The following TRIM9 variants were observed in gnomAD, a reference collection of about 807,000 sequenced individuals.
TRIM9 encodes the protein E3 ubiquitin-protein ligase TRIM9.
Under a neutral mutation model 78.3 loss-of-function variants are expected in TRIM9, and 26 were observed. The ratio of observed to expected loss-of-function variants is 0.33; its 90% CI spans 0.24 to 0.46. The LOEUF (loss-of-function observed/expected upper bound fraction) is 0.46, where lower values mean the gene tolerates loss of function less well. TRIM9 is among the 20% of genes least tolerant of loss of function. The pLI is 1.00. For synonymous variants in TRIM9, 398 were observed against 416.5 expected, an observed-to-expected ratio of 0.96 and a Z score of 0.54; for missense variants, 787 against 1,036.4, an observed-to-expected ratio of 0.76 and a Z score of 3.30.
rs573086591 is a variant in TRIM9 at position 50,986,245 on chromosome 14, C to G, written c.1604-101G>C. 3 of 1,041,058 alleles carry G rather than the reference C, an allele frequency of 2.9e-6. No individual in the cohort carries two copies. The East Asian group carries it at 9.4e-5, about 32-fold the overall frequency. 64.5% of individuals were successfully genotyped at this position (1,041,058 alleles called of 1,614,324 possible). On this transcript the variant is annotated intron_variant, in intron 7 of 12. Coordinates refer to ENST00000684578, the MANE Select transcript of TRIM9 (RefSeq NM_001387360.1). ...CCTTAACAATGCATTCATACAAAGC[C>G]TCATCTTTCCCACAGGGTGCCACAC...
At chr14:50,980,716 A>T (rs1318689229) in intron 11 of TRIM9, among the ~76,000 whole-genome samples, 3 of 152,230 alleles carry the variant, frequency 2.0e-5, no homozygotes, top group Admixed American at 1.3e-4. Context: ...GTTCCACAAA[A>T]TGCCGATCAC....
intron 3 of TRIM9, among the ~76,000 whole-genome samples, chr14:51,011,171 G>C (rs1402590045): frequency 2.6e-5 from 4 of 152,168 alleles, no homozygotes; most frequent in African/African-American, 9.7e-5. Context: ...AGTTGTAAAG[G>C]CTGCTCATTT....
Position 51,000,749 on chromosome 14 carries a change from A to G in TRIM9, c.1398T>C (p.Pro466=). Residue 466 remains proline, a synonymous_variant, in exon 6 of 13, where the codon CCT becomes CCC. Transcript: ENST00000684578. Reference sequence around the variant, plus strand: ...ATCCATCGGCGGGCACCGTGGACAGAGGTGGCTGTTTCCAGGACAACGTAG... The same window carrying G: ...ATCCATCGGCGGGCACCGTGGACAGGGGTGGCTGTTTCCAGGACAACGTAG... ...NSATLSWKQP[P]LSTVPADGYI... 2 of 1,614,202 alleles carry G rather than the reference A, an allele frequency of 1.2e-6. No homozygotes were observed. Among genetic ancestry groups the G allele is most frequent in the Non-Finnish European group, 1.7e-6 (2 of 1,180,026 alleles).
At chr14:51,064,228 G>A (rs887707960) in intron 1 of TRIM9, among the ~76,000 whole-genome samples, 3 of 151,884 alleles carry the variant, frequency 2.0e-5, no homozygotes, top group African/African-American at 7.2e-5. Flanking sequence ...AGGGCAGCTA[G>A]AATAAGTACT....
chr14:51,059,783 G>C (rs1162340684), intron 1 of TRIM9, among the ~76,000 whole-genome samples: 1 of 145,710 alleles, frequency 6.9e-6, no homozygotes, highest in Non-Finnish European at 1.5e-5. Context: ...GGGTGAAAGA[G>C]TGAGACTCTG....
At chr14:51,065,677 G>A (rs552902866) in intron 1 of TRIM9, among the ~76,000 whole-genome samples, 6 of 152,192 alleles carry the variant, frequency 3.9e-5, no homozygotes, top group Non-Finnish European at 8.8e-5. Flanking sequence ...ATAGAGGCCT[G>A]GAGTTGGGAT....
chr14:51,003,300 C>T (rs894479653), intron 5 of TRIM9, among the ~76,000 whole-genome samples: 1 of 152,124 alleles, frequency 6.6e-6, no homozygotes, highest in Non-Finnish European at 1.5e-5. Flanking sequence ...TGATTCCCCC[C>T]GGGGGGTATT....
At chr14:51,063,117 T>A (rs1473991763) in intron 1 of TRIM9, among the ~76,000 whole-genome samples, 1 of 152,000 alleles carries the variant, frequency 6.6e-6, no homozygotes, top group African/African-American at 2.4e-5. Flanking sequence ...AAAATGATCA[T>A]CATGTATGAA....
At chr14:51,078,134 G>A (rs963019783) in intron 1 of TRIM9, among the ~76,000 whole-genome samples, 1 of 152,170 alleles carries the variant, frequency 6.6e-6, no homozygotes, top group Non-Finnish European at 1.5e-5. Context: ...CTCAGCCTAT[G>A]TCAGGCCTTG....
At chr14:51,051,540 A>T (rs2060423607) in intron 1 of TRIM9, among the ~76,000 whole-genome samples, 1 of 152,118 alleles carries the variant, frequency 6.6e-6, no homozygotes, top group African/African-American at 2.4e-5. Context: ...TACACAAAGA[A>T]CCCAGGAAGA....
intron 12 of TRIM9, among the ~76,000 whole-genome samples, chr14:50,978,302 A>T (rs999413048): frequency 5.9e-5 from 9 of 152,214 alleles, no homozygotes; most frequent in African/African-American, 1.7e-4. Context: ...CCATTTGTGG[A>T]ATGAGGCTCA....
intron 1 of TRIM9, among the ~76,000 whole-genome samples, chr14:51,037,185 G>A (rs572117004): frequency 2.0e-5 from 3 of 152,098 alleles, no homozygotes; most frequent in East Asian, 3.9e-4. Flanking sequence ...ATTAAGAAGC[G>A]CCATTCTAAA....
chr14:51,086,098 C>T (rs190933094), intron 1 of TRIM9, among the ~76,000 whole-genome samples: 43 of 152,246 alleles, frequency 2.8e-4, no homozygotes, highest in African/African-American at 1.0e-3. Context: ...TTTTCATATA[C>T]GAGAACTAAA....
At chr14:51,053,153 C>T (rs2060568953) in intron 1 of TRIM9, among the ~76,000 whole-genome samples, 1 of 107,984 alleles carries the variant, frequency 9.3e-6, no homozygotes, top group African/African-American at 2.9e-5. Flanking sequence ...GAGAGAGACC[C>T]TGTTTCAAAA....
intron 1 of TRIM9, among the ~76,000 whole-genome samples, chr14:51,058,364 T>C (rs535383242): frequency 6.6e-6 from 1 of 152,316 alleles, no homozygotes; most frequent in East Asian, 1.9e-4. Flanking sequence ...CTAACGACAT[T>C]CTTGGTTGGG....
At chr14:51,033,120 C>T (rs1473780720) in intron 1 of TRIM9, among the ~76,000 whole-genome samples, 5 of 152,264 alleles carry the variant, frequency 3.3e-5, no homozygotes, top group Admixed American at 6.5e-5. Flanking sequence ...GATGGTGTCT[C>T]GCTCTGTCGC....
At chr14:50,982,993 G>C (rs2139317847) in intron 9 of TRIM9, 28 bp from the exon 10 acceptor site, 1 of 1,547,046 alleles carries the variant, frequency 6.5e-7, no homozygotes, top group East Asian at 2.5e-5. Flanking sequence ...GAAAGGCATG[G>C]GGGAGAGAGA....
chr14:51,023,489 C>T (rs148164538), intron 2 of TRIM9, among the ~76,000 whole-genome samples: 1 of 152,060 alleles, frequency 6.6e-6, no homozygotes, highest in African/African-American at 2.4e-5. Context: ...AAATAGTAGG[C>T]AGAAAAAAAC....
chr14:51,042,478 C>T (rs765331898), intron 1 of TRIM9, among the ~76,000 whole-genome samples: 4 of 152,120 alleles, frequency 2.6e-5, no homozygotes, highest in Admixed American at 6.5e-5. Flanking sequence ...CCTTTTAAAT[C>T]TTTTATTTCT....
Sources: gnomAD v4.1 joint callset for allele counts (sites outside exome capture counted in the v4.1 genomes callset) on GRCh38, gnomAD v4.1.1 for gene constraint, MANE v1.5 for transcripts, NCBI Gene and HGNC (gene_info 2026-07-23, HGNC 2026-07-21) for gene names.